Variants in BRAF observed in about 807,000 individuals in gnomAD.
The protein encoded by BRAF is serine/threonine-protein kinase B-raf.
BRAF carries 16 observed loss-of-function variants against 104.6 expected under a neutral mutation model. The ratio of observed to expected loss-of-function variants is 0.15; its 90% confidence interval spans 0.10 to 0.23. The LOEUF is 0.23. BRAF is among the 10% of genes least tolerant of loss of function. BRAF has a pLI of 1.00. For synonymous variants in BRAF, 310 were observed against 341.6 expected (o/e 0.91, Z 1.02); for missense variants, 541 against 937.3 (o/e 0.58, Z 5.52).
chr7:140,772,019 T>G (rs1799885888), intron 14 of BRAF, among the ~76,000 whole-genome samples: 1 of 151,982 alleles, frequency 6.6e-6, no homozygotes, highest in Admixed American at 6.6e-5. Context: ...TGAACAGTAT[T>G]GGAAATAGGG....
At chr7:140,779,605 T>C (rs1275822384) in intron 12 of BRAF, among the ~76,000 whole-genome samples, 6 of 152,190 alleles carry the variant, frequency 3.9e-5, no homozygotes, top group Non-Finnish European at 1.5e-5. Flanking sequence ...GTTTTGGATT[T>C]TGGAGCATTT....
At chr7:140,841,936 G>T (rs1047905757) in intron 2 of BRAF, among the ~76,000 whole-genome samples, 1 of 151,996 alleles carries the variant, frequency 6.6e-6, no homozygotes, top group Non-Finnish European at 1.5e-5. Context: ...AAAAAGCAGC[G>T]AAATAAAAAT....
chr7:140,723,257 C>A lies in BRAF; in HGVS notation c.*3237G>T. 1 of 1,056,162 alleles carries A rather than the reference C, an allele frequency of 9.5e-7. No homozygotes were observed. The highest frequency in any genetic ancestry group is 1.1e-6 in the Non-Finnish European group (1 of 873,700). The allele number at this position is 1,056,162 out of a possible 1,614,324, so 65.4% of individuals were successfully genotyped here. A position where few individuals can be genotyped will look rare whatever the true frequency, so the allele number is the denominator to read the frequency against. ...AAGGTAACATCCTGTGATGAAAGTG[C>A]TGTCACCGCACCAAACCAGAAGCTA... On this transcript the variant is annotated 3_prime_UTR_variant, in exon 20 of 20. Transcript: ENST00000644969.
intron 1 of BRAF, among the ~76,000 whole-genome samples, chr7:140,904,580 T>G (rs1816082829): frequency 6.6e-6 from 1 of 152,200 alleles, no homozygotes; most frequent in South Asian, 2.1e-4. Flanking sequence ...TCAAGGTATT[T>G]TCTAACTTCC....
At chr7:140,800,188 A>G in intron 7 of BRAF, 174 bp downstream of exon 7, 1 of 1,033,714 alleles carries the variant, frequency 9.7e-7, no homozygotes, top group Non-Finnish European at 1.4e-6. Flanking sequence ...GTCAGCTTTA[A>G]TCCCATTTAT....
chr7:140,764,383 G>T (rs1799095611), intron 14 of BRAF, among the ~76,000 whole-genome samples: 19 of 150,530 alleles, frequency 1.3e-4, no homozygotes, highest in Admixed American at 1.3e-3. Context: ...TTTGAAAACT[G>T]GCACAAGACA....
At chr7:140,786,238 T>C (rs1212417916) in intron 9 of BRAF, among the ~76,000 whole-genome samples, 1 of 152,180 alleles carries the variant, frequency 6.6e-6, no homozygotes, top group African/African-American at 2.4e-5. Flanking sequence ...GTCCAGAGTA[T>C]AGAATGCAGG....
chr7:140,868,504 G>C (rs1264249856), intron 1 of BRAF, among the ~76,000 whole-genome samples: 1 of 152,056 alleles, frequency 6.6e-6, no homozygotes, highest in African/African-American at 2.4e-5. Flanking sequence ...ATGATTCCAC[G>C]TATATAAAAT....
At chr7:140,826,046 T>G (rs1377281591) in intron 3 of BRAF, among the ~76,000 whole-genome samples, 3 of 152,202 alleles carry the variant, frequency 2.0e-5, no homozygotes, top group African/African-American at 4.8e-5. Context: ...TCATACTGCT[T>G]AACCTCTCTT....
chr7:140,752,372 G>A (rs1242372260), intron 16 of BRAF, among the ~76,000 whole-genome samples: 3 of 152,132 alleles, frequency 2.0e-5, no homozygotes, highest in African/African-American at 7.2e-5. Flanking sequence ...CAGCCAGCTG[G>A]ATTCTCATAT....
chr7:140,899,448 A>T (rs1280869133), intron 1 of BRAF, among the ~76,000 whole-genome samples: 1 of 151,992 alleles, frequency 6.6e-6, no homozygotes, highest in African/African-American at 2.4e-5. Context: ...TTTCCCCCCA[A>T]TTTACATTCC....
chr7:140,912,799 C>T (rs886893926), intron 1 of BRAF, among the ~76,000 whole-genome samples: 5 of 152,202 alleles, frequency 3.3e-5, no homozygotes, highest in South Asian at 2.1e-4. Flanking sequence ...CTGCCCGCCT[C>T]GGCCTCCCAA....
At chr7:140,731,977 C>G (rs986060894) in intron 19 of BRAF, 2 of 150,280 alleles carry the variant, frequency 1.3e-5, no homozygotes, top group Admixed American at 6.6e-5. Flanking sequence ...CGAGACCATC[C>G]CGGCTAAAAC....
At chr7:140,916,468 G>A (rs182299771) in intron 1 of BRAF, among the ~76,000 whole-genome samples, 2 of 152,342 alleles carry the variant, frequency 1.3e-5, no homozygotes, top group Admixed American at 6.5e-5. Flanking sequence ...TGAAGATGGA[G>A]AATAACACAT....
intron 18 of BRAF, 26 bp downstream of exon 17, chr7:140,739,786 T>C: frequency 1.9e-6 from 3 of 1,611,328 alleles, no homozygotes; most frequent in African/African-American, 2.7e-5. Flanking sequence ...GTCTGTTCTT[T>C]TGGATAGCAT....
Position 140,749,276 on chromosome 7 carries a change from TA to T in BRAF, c.2112+10del, listed in dbSNP as rs1432933164. 6.2e-7 allele frequency: 1 copy of T among 1,610,658 alleles called. No homozygotes were observed. The highest frequency in any genetic ancestry group is 1.3e-5 in the African/African-American group (1 of 74,806). The stretch of plus-strand genomic sequence containing the variant: ...CGGTAAAATAAACACCAAGACGTGG[TA>T]AATATTTACCTGGTCCCTGTTGTTG... On this transcript the variant is annotated intron_variant, in intron 17 of 19. Coordinates refer to ENST00000644969, the MANE Select transcript of BRAF (RefSeq NM_001374258.1).
rs1417108573 is a variant in BRAF at position 140,781,615 on chromosome 7, A to T, written c.1513T>A (p.Ser505Thr). 1.9e-6 allele frequency: 3 copies of T among 1,614,116 alleles called. No individual in the cohort carries two copies. ...TTGTAGACTGTTCCAAATGATCCAG[A>T]TCCAATTCTTTGTCCCACTGTAATC... ...GQITVGQRIG[S>T]GSFGTVYKGK... Residue 505 changes from serine (S) to threonine (T), a missense_variant, in exon 12 of 20, where the codon TCT becomes ACT. Around this residue, in one of 10 missense-constraint regions of BRAF, gnomAD observed 109 missense variants for 143.9 expected, o/e 0.76. Coordinates refer to ENST00000644969, the MANE Select transcript of BRAF (RefSeq NM_001374258.1).
chr7:140,885,858 T>A (rs1213771509), intron 1 of BRAF, among the ~76,000 whole-genome samples: 8 of 152,190 alleles, frequency 5.3e-5, no homozygotes, highest in Admixed American at 2.0e-4. Context: ...TTGTTAAGTG[T>A]ATGTGGGAGT....
Position 140,724,403 on chromosome 7 carries a change from C to T in BRAF, c.*2091G>A. 3 of 1,055,904 alleles carry T rather than the reference C, an allele frequency of 2.8e-6. No homozygotes were observed. The highest frequency in any genetic ancestry group is 3.4e-6 in the Non-Finnish European group (3 of 873,508). The allele number at this position is 1,055,904 out of a possible 1,614,324, so 65.4% of individuals were successfully genotyped here. On this transcript the variant is annotated 3_prime_UTR_variant, in exon 20 of 20. Transcript: ENST00000644969. ...AAAAGAAAAAACAGCCAATGCTTTT[C>T]AAGAGAGGCAGTATTATTGCACAGA...
Sources: allele counts gnomAD v4.1 joint callset (sites outside exome capture counted in the v4.1 genomes callset), GRCh38; gene constraint gnomAD v4.1.1; regional missense constraint gnomAD v4.1.1; transcripts MANE v1.5; gene names NCBI Gene and HGNC (gene_info 2026-07-23, HGNC 2026-07-21).